The following KANK4 variants were observed in gnomAD, a reference collection of about 807,000 sequenced individuals.
KANK4 encodes the protein KN motif and ankyrin repeat domain-containing protein 4.
Under a neutral mutation model 80.8 loss-of-function variants are expected in KANK4, and 50 were observed. That is an observed-to-expected ratio of 0.62 (90% CI 0.49 to 0.78). KANK4 has a LOEUF of 0.78. Among genes scored for constraint, KANK4 ranks in the 30% least tolerant of loss-of-function variants. KANK4 has a pLI of 0.00. For missense variants in KANK4, 1,196 were observed against 1,240.1 expected, an observed-to-expected ratio of 0.96 and a Z score of 0.53; for synonymous variants, 465 against 506.9, an observed-to-expected ratio of 0.92 and a Z score of 1.11.
intron 1 of KANK4, among the ~76,000 whole-genome samples, chr1:62,294,176 T>A (rs765691): frequency 0.28 from 43,290 of 152,186 alleles, 6,417 homozygotes; most frequent in Middle Eastern, 0.41. Flanking sequence ...TAATCCTTTG[T>A]TACTACCAAA....
At chr1:62,271,332 G>A (rs964964502) in intron 4 of KANK4, 146 bp downstream of exon 4, 21 of 647,058 alleles carry the variant, frequency 3.2e-5, no homozygotes, top group East Asian at 5.4e-5. Context: ...ATGCAAACCC[G>A]AGATGGAGTT....
Position 62,263,288 on chromosome 1 carries a change from A to C in KANK4, c.2343T>G (p.Ser781Arg). Residue 781 changes from serine (S) to arginine (R), a missense_variant, in exon 7 of 10, where the codon AGT (serine) becomes AGG (arginine). Ser to Arg is a moderately radical substitution (Grantham distance 110). This residue lies in a region of KANK4 where 1,154 missense variants were observed against 1,179.6 expected (regional missense o/e 0.98). Transcript: ENST00000371153. Reference sequence around the variant, plus strand: ...GGCTGGAGACGCGGAACCACTCTTGACTGATGGTGTTCAAGCTTTGCCTCT... The same window carrying C: ...GGCTGGAGACGCGGAACCACTCTTGCCTGATGGTGTTCAAGCTTTGCCTCT... ...QLLRQSLNTI[S>R]QEWFRVSSRK... The C allele has an allele frequency of 1.2e-6, 2 of 1,613,320 alleles. No individual in the cohort carries two copies. The highest frequency in any genetic ancestry group is 2.7e-5 in the African/African-American group (2 of 75,012).
Position 62,273,964 on chromosome 1 carries a change from C to T in KANK4, c.1140G>A (p.Arg380=). The change falls in exon 3 of 10, where the codon AGG becomes AGA. Residue 380 remains arginine, a synonymous_variant. Transcript: ENST00000371153. ...ACTCCAGCTCTCGAATTCTTTGCTCCCTAGCTTTGATTTCCTCTTCCTGCT... is the reference window on the plus strand; with the variant it reads ...ACTCCAGCTCTCGAATTCTTTGCTCTCTAGCTTTGATTTCCTCTTCCTGCT... ...LQQQEEEIKA[R]EQRIRELEFT... 2 of 1,614,190 alleles carry T rather than the reference C, an allele frequency of 1.2e-6. No individual in the cohort carries two copies. The highest frequency in any genetic ancestry group is 1.7e-6 in the Non-Finnish European group (2 of 1,180,036).
At chr1:62,241,912 T>C (rs1237756206) in intron 9 of KANK4, among the ~76,000 whole-genome samples, 2 of 152,116 alleles carry the variant, frequency 1.3e-5, no homozygotes, top group African/African-American at 2.4e-5. Flanking sequence ...ACAGGGTCCA[T>C]CTGGAGGACA....
At position 62,300,361 on chromosome 1, in the gene KANK4, A is replaced by G. The variant is rs185011804; in HGVS notation, c.-70-18727T>C. Reference sequence around the variant, plus strand: ...GCACTGGGCTAGGTTCTGTGGACTCATGGATGAAAAAGACAGGGTTCTTTT... The same window carrying G: ...GCACTGGGCTAGGTTCTGTGGACTCGTGGATGAAAAAGACAGGGTTCTTTT... On this transcript the variant is annotated intron_variant, in intron 1 of 9. Coordinates refer to ENST00000371153, the MANE Select transcript of KANK4 (RefSeq NM_181712.5). Among the ~76,000 whole-genome samples the G allele has an allele frequency of 7.9e-5, 12 of 152,242 alleles. No individual in the cohort carries two copies. The East Asian group carries it at 2.3e-3, about 29-fold the overall frequency.
Position 62,274,345 on chromosome 1 carries a change from T to G in KANK4, c.759A>C (p.Ser253=). Reference sequence around the variant, plus strand: ...CTAGAACTACAAGCACATTCTGGAATGAGAAAGGAGGGCCTGGGAGAGGGA... The same window carrying G: ...CTAGAACTACAAGCACATTCTGGAAGGAGAAAGGAGGGCCTGGGAGAGGGA... ...NHLPLPGPPF[S]FQNVLVVLED... The change falls in exon 3 of 10, where the codon TCA becomes TCC. Residue 253 remains serine (S), a synonymous_variant. Transcript: ENST00000371153. 5.0e-6 allele frequency: 8 copies of G among 1,614,152 alleles called. No homozygotes were observed. Among genetic ancestry groups the G allele is most frequent in the African/African-American group, 1.3e-5 (1 of 75,048 alleles).
At chr1:62,248,672 G>A (rs1032262419) in intron 8 of KANK4, among the ~76,000 whole-genome samples, 7 of 151,478 alleles carry the variant, frequency 4.6e-5, no homozygotes, top group Non-Finnish European at 7.4e-5. Flanking sequence ...AGCCGCCCAA[G>A]TAGCTGGGAT....
chr1:62,254,761 T>G (rs1461061179), intron 7 of KANK4, among the ~76,000 whole-genome samples: 1 of 151,628 alleles, frequency 6.6e-6, no homozygotes, highest in East Asian at 1.9e-4. Flanking sequence ...AGAGATGGGA[T>G]TTCACCATGT....
intron 1 of KANK4, among the ~76,000 whole-genome samples, chr1:62,289,739 G>T (rs898316243): frequency 1.3e-5 from 2 of 152,150 alleles, no homozygotes; most frequent in African/African-American, 2.4e-5. Flanking sequence ...AAATTATTTG[G>T]GGGGAAAGAG....
At chr1:62,316,626 T>C (rs1644542441) in intron 1 of KANK4, among the ~76,000 whole-genome samples, 2 of 152,206 alleles carry the variant, frequency 1.3e-5, no homozygotes, top group Non-Finnish European at 1.5e-5. Context: ...TCATGTAATA[T>C]TGTATGCAAG....
rs768065344 is a variant in KANK4, at chr1:62,273,229, C to A, written c.1875G>T (p.Pro625=). The A allele has an allele frequency of 6.4e-5, 97 of 1,516,836 alleles. No individual in the cohort carries two copies. Among genetic ancestry groups the A allele is most frequent in the Non-Finnish European group, 8.3e-5 (94 of 1,132,734 alleles). 94.0% of individuals were successfully genotyped at this position (1,516,836 alleles called of 1,614,324 possible). The change falls in exon 3 of 10, where the codon CCG becomes CCT. Residue 625 remains proline (P), a synonymous_variant. Transcript: ENST00000371153. The stretch of plus-strand genomic sequence containing the variant: ...CCACTGGCGGGGAGGAGGAGGAGGC[C>A]GGTGGCTCCTTGGGTGGGTGAGCCT... The part of the protein sequence containing the change: ...SAQAHPPKEP[P]ASSSSPPVEI...
At chr1:62,256,465 G>A (rs985767116) in intron 7 of KANK4, among the ~76,000 whole-genome samples, 5 of 151,172 alleles carry the variant, frequency 3.3e-5, no homozygotes, top group Admixed American at 6.6e-5. Flanking sequence ...AGCTCACTGC[G>A]ATCTCCGCCT....
Position 62,274,406 on chromosome 1 carries a change from T to C in KANK4, c.698A>G (p.Glu233Gly). Residue 233 changes from glutamate (E) to glycine (G), a missense_variant, in exon 3 of 10, where the codon GAG becomes GGG. Glu to Gly is a moderately conservative substitution (Grantham distance 98, BLOSUM62 -2). Around this residue, in one of 3 missense-constraint regions of KANK4, gnomAD observed 1,154 missense variants for 1,179.6 expected, o/e 0.98. Transcript: ENST00000371153. Reference protein sequence around the residue: ...RIPELVQEGAEPPEGVVKVPN... With the variant: ...RIPELVQEGAGPPEGVVKVPN... ...AACCTTCACCACACCCTCTGGAGGC[T>C]CAGCTCCCTCCTGGACCAGCTCTGG... 1 of 1,614,162 alleles carries C rather than the reference T, an allele frequency of 6.2e-7. No homozygotes were observed. The highest frequency in any genetic ancestry group is 8.5e-7 in the Non-Finnish European group (1 of 1,180,018).
In KANK4 at chr1:62,263,234, G is replaced by A. The variant is rs781219874; in HGVS notation, c.2397C>T (p.Ala799=). 1.2e-6 allele frequency: 2 copies of A among 1,613,858 alleles called. No individual in the cohort carries two copies. Among genetic ancestry groups the A allele is most frequent in the Non-Finnish European group, 1.7e-6 (2 of 1,179,932 alleles). ...SRKSSSPAVV[A]SYLHEVQPHS... ...GAGGCTGGACCTCGTGGAGGTAGGA[G>A]GCCACCACGGCGGGGCTAGACGACT... Residue 799 remains alanine (A), a synonymous_variant, in exon 7 of 10, where the codon GCC becomes GCT. Coordinates refer to ENST00000371153, the MANE Select transcript of KANK4 (RefSeq NM_181712.5).
chr1:62,261,984 G>A (rs1671896574), intron 7 of KANK4, among the ~76,000 whole-genome samples: 1 of 152,156 alleles, frequency 6.6e-6, no homozygotes, highest in Non-Finnish European at 1.5e-5. Flanking sequence ...GCTAGGCTGT[G>A]AGCTCCCAAG....
chr1:62,275,061 C>T lies in KANK4; in HGVS notation c.43G>A (p.Glu15Lys). Residue 15 changes from glutamate (E) to lysine (K), a missense_variant, in exon 3 of 10, where the codon GAA (glutamate) becomes AAA (lysine). Coordinates refer to ENST00000371153, the MANE Select transcript of KANK4 (RefSeq NM_181712.5). Reference protein sequence around the residue: ...DAKDQSSQGDEEKDPPKSHPY... With the variant: ...DAKDQSSQGDKEKDPPKSHPY... ...TGGCTCTTCGGAGGGTCTTTCTCTT[C>T]ATCCCCCTGAGAGGACTGGTCTTTG... 6.2e-7 allele frequency: 1 copy of T among 1,612,708 alleles called. No individual in the cohort carries two copies.
chr1:62,249,410 G>C (rs1457714788), intron 8 of KANK4, among the ~76,000 whole-genome samples: 1 of 149,458 alleles, frequency 6.7e-6, no homozygotes, highest in African/African-American at 2.5e-5. Flanking sequence ...ACAGAATCTC[G>C]CTCTATTACC....
At chr1:62,254,493 C>T (rs113548653) in intron 7 of KANK4, among the ~76,000 whole-genome samples, 3,275 of 150,252 alleles carry the variant, frequency 0.022, 49 homozygotes, top group Middle Eastern at 0.052. Flanking sequence ...CCACCTGCCT[C>T]GGCCTCCGAA....
intron 1 of KANK4, among the ~76,000 whole-genome samples, chr1:62,316,081 CT>C (rs1557514994): frequency 6.6e-6 from 1 of 152,240 alleles, no homozygotes; most frequent in African/African-American, 2.4e-5. Context: ...TCTCCTTAGC[CT>C]GTTCTGCAGG....
Sources: allele counts gnomAD v4.1 joint callset (sites outside exome capture counted in the v4.1 genomes callset), GRCh38; gene constraint gnomAD v4.1.1; regional missense constraint gnomAD v4.1.1; transcripts MANE v1.5; gene names NCBI Gene and HGNC (gene_info 2026-07-23, HGNC 2026-07-21).